PPP2R3A: variants seen among roughly 807,000 people sequenced by gnomAD.
The protein encoded by PPP2R3A is serine/threonine-protein phosphatase 2A regulatory subunit B'' subunit alpha.
A neutral mutation model predicts 106.9 loss-of-function variants in PPP2R3A; 80 were observed. The observed-to-expected ratio is 0.75, with a 90% CI of 0.62 to 0.90. The LOEUF (loss-of-function observed/expected upper bound fraction) is 0.90. Among genes scored for constraint, PPP2R3A ranks in the 40% least tolerant of loss-of-function variants. The pLI, the probability that PPP2R3A is intolerant of heterozygous loss-of-function variation, is 0.00. For synonymous variants in PPP2R3A, 483 were observed against 468.3 expected (o/e 1.03, Z -0.41); for missense variants, 1,386 against 1,350.4 (o/e 1.03, Z -0.41).
intron 11 of PPP2R3A, among the ~76,000 whole-genome samples, chr3:136,102,732 A>G (rs1405349498): frequency 6.6e-6 from 1 of 152,112 alleles, no homozygotes. Context: ...AGTCCCTGCT[A>G]CTAAGGATGC....
chr3:136,110,296 A>G (rs1937574771), intron 13 of PPP2R3A, among the ~76,000 whole-genome samples: 1 of 152,194 alleles, frequency 6.6e-6, no homozygotes, highest in Non-Finnish European at 1.5e-5. Flanking sequence ...CACAATCAGA[A>G]CAAGACATCA....
At chr3:135,995,553 C>T (rs1019514190) in intron 1 of PPP2R3A, among the ~76,000 whole-genome samples, 39 of 149,680 alleles carry the variant, frequency 2.6e-4, no homozygotes, top group African/African-American at 9.2e-4. Flanking sequence ...CTCACTGCAG[C>T]CTCTGCCTCC....
Position 136,146,918 on chromosome 3 carries a change from T to C in PPP2R3A, c.*1752T>C, listed in dbSNP as rs1373761684. Reference sequence around the variant, plus strand: ...GAAGCCAGATATGGTTTAAATGTTTTATTATCCATAATGATCTAAACTAAT... The same window carrying C: ...GAAGCCAGATATGGTTTAAATGTTTCATTATCCATAATGATCTAAACTAAT... On this transcript the variant is annotated 3_prime_UTR_variant, in exon 14 of 14. Transcript: ENST00000264977. 1 of 152,194 alleles carries C rather than the reference T, an allele frequency of 6.6e-6. No homozygotes were observed. The highest frequency in any genetic ancestry group is 1.5e-5 in the Non-Finnish European group (1 of 68,034). 9.4% of individuals were successfully genotyped at this position (152,194 alleles called of 1,614,324 possible).
chr3:135,969,487 T>C (rs1937180659), intron 1 of PPP2R3A, among the ~76,000 whole-genome samples: 1 of 152,150 alleles, frequency 6.6e-6, no homozygotes, highest in Non-Finnish European at 1.5e-5. Flanking sequence ...TAAGGATAAA[T>C]AGTTTTGAGA....
intron 1 of PPP2R3A, among the ~76,000 whole-genome samples, chr3:135,985,602 C>T (rs1022795012): frequency 9.9e-5 from 15 of 152,080 alleles, no homozygotes; most frequent in African/African-American, 3.6e-4. Flanking sequence ...TTGACCCTGC[C>T]AGTGGAGGCA....
At chr3:136,055,535 A>G in intron 5 of PPP2R3A, 1 of 1,299,794 alleles carries the variant, frequency 7.7e-7, no homozygotes, top group Non-Finnish European at 1.1e-6. Flanking sequence ...CATTCTCTGC[A>G]TTCACTGACC....
At chr3:136,057,524 A>T (rs1935911007) in intron 5 of PPP2R3A, among the ~76,000 whole-genome samples, 1 of 152,122 alleles carries the variant, frequency 6.6e-6, no homozygotes, top group Admixed American at 6.5e-5. Flanking sequence ...GGGAGGGAGA[A>T]GATGAAGGGA....
intron 1 of PPP2R3A, among the ~76,000 whole-genome samples, chr3:135,988,845 T>C (rs1246253672): frequency 6.6e-6 from 1 of 152,172 alleles, no homozygotes; most frequent in African/African-American, 2.4e-5. Context: ...ATTAAATATT[T>C]TTGGTGAGGA....
intron 3 of PPP2R3A, among the ~76,000 whole-genome samples, chr3:136,027,614 C>G (rs970947528): frequency 6.6e-6 from 1 of 152,146 alleles, no homozygotes; most frequent in African/African-American, 2.4e-5. Flanking sequence ...CAGGACTACT[C>G]TGACTTGATT....
rs535354358 is a variant in PPP2R3A, at chr3:136,131,148, A to G, written c.3330-13895A>G. Among the ~76,000 whole-genome samples the G allele has an allele frequency of 2.6e-5, 4 of 152,336 alleles. No individual in the cohort carries two copies. The South Asian group carries it at 8.3e-4, about 32-fold the overall frequency. Reference sequence around the variant, plus strand: ...CCAAAAGCAATGGCAACAAAAGCCAAAATTGACAAATGGGATCTAATTAAA... The same window carrying G: ...CCAAAAGCAATGGCAACAAAAGCCAGAATTGACAAATGGGATCTAATTAAA... On this transcript the variant is annotated intron_variant, in intron 13 of 13. Coordinates refer to ENST00000264977, the MANE Select transcript of PPP2R3A (RefSeq NM_002718.5).
intron 6 of PPP2R3A, among the ~76,000 whole-genome samples, chr3:136,076,051 C>T (rs1936584132): frequency 6.6e-6 from 1 of 152,214 alleles, no homozygotes; most frequent in Non-Finnish European, 1.5e-5. Context: ...AAATTAGGCA[C>T]TGCCTAGTCC....
intron 4 of PPP2R3A, among the ~76,000 whole-genome samples, chr3:136,045,698 C>A (rs1216031724): frequency 1.3e-5 from 2 of 152,182 alleles, no homozygotes; most frequent in African/African-American, 4.8e-5. Context: ...CAGCATCACC[C>A]TACCCAGGGA....
chr3:136,133,667 C>G (rs1222629761), intron 13 of PPP2R3A, among the ~76,000 whole-genome samples: 6 of 151,956 alleles, frequency 3.9e-5, no homozygotes, highest in African/African-American at 1.4e-4. Flanking sequence ...AGCATTATTC[C>G]TAGTAGCTCA....
intron 2 of PPP2R3A, among the ~76,000 whole-genome samples, chr3:136,004,917 C>T (rs1403880236): frequency 6.6e-6 from 1 of 151,994 alleles, no homozygotes; most frequent in African/African-American, 2.4e-5. Flanking sequence ...TTTGAGATGC[C>T]ATTTATGTGG....
At chr3:136,013,180 G>GTGTA (rs201268370) in intron 2 of PPP2R3A, among the ~76,000 whole-genome samples, 4,663 of 142,196 alleles carry the variant, frequency 0.033, 118 homozygotes, top group East Asian at 0.071. Flanking sequence ...GTGTGTGTGT[G>GTGTA]TGTATGTATG....
At chr3:136,028,726 G>A (rs2107825787) in intron 3 of PPP2R3A, among the ~76,000 whole-genome samples, 2 of 152,348 alleles carry the variant, frequency 1.3e-5, no homozygotes, top group South Asian at 4.1e-4. Flanking sequence ...GAATGGGCTG[G>A]AACTATGGCT....
At chr3:135,998,296 CTT>C (rs1303364863) in intron 1 of PPP2R3A, among the ~76,000 whole-genome samples, 1 of 152,214 alleles carries the variant, frequency 6.6e-6, no homozygotes, top group Non-Finnish European at 1.5e-5. Flanking sequence ...TTTCAGGAAA[CTT>C]TTCCTGACTC....
chr3:136,036,549 A>G (rs1935092686), intron 3 of PPP2R3A, among the ~76,000 whole-genome samples: 1 of 152,174 alleles, frequency 6.6e-6, no homozygotes, highest in African/African-American at 2.4e-5. Flanking sequence ...TTGTCTGCAC[A>G]GCGTCCTGTG....
chr3:136,139,807 T>A (rs1481578639), intron 13 of PPP2R3A, among the ~76,000 whole-genome samples: 1 of 151,064 alleles, frequency 6.6e-6, no homozygotes, highest in Non-Finnish European at 1.5e-5. Context: ...AGTTCAAGAC[T>A]AGCCTGGCCA....
Sources: gnomAD v4.1 joint callset for allele counts (sites outside exome capture counted in the v4.1 genomes callset) on GRCh38, gnomAD v4.1.1 for gene constraint, MANE v1.5 for transcripts, NCBI Gene and HGNC (gene_info 2026-07-23, HGNC 2026-07-21) for gene names.